The following BMAL1 variants were observed in gnomAD, a reference collection of about 807,000 sequenced individuals.
The protein encoded by BMAL1 is basic helix-loop-helix ARNT-like protein 1.
chr11:13,307,432 G>C, the BMAL1 span, among the ~76,000 whole-genome samples: 66,527 of 151,986 alleles, frequency 0.44, 14,715 homozygotes, highest in East Asian at 0.64. Flanking sequence ...CACTTCACCT[G>C]TAGCGACAGC....
At chr11:13,335,912 G>T in the BMAL1 span, among the ~76,000 whole-genome samples, 3 of 152,158 alleles carry the variant, frequency 2.0e-5, no homozygotes, top group Non-Finnish European at 4.4e-5. Context: ...TATAAGTGTT[G>T]TAAGGTTATA....
At chr11:13,281,068 T>A in the BMAL1 span, among the ~76,000 whole-genome samples, 5 of 152,182 alleles carry the variant, frequency 3.3e-5, no homozygotes, top group African/African-American at 1.2e-4. Context: ...TTAAGGGAGA[T>A]GGTGCATGTA....
At chr11:13,281,973 C>G in the BMAL1 span, among the ~76,000 whole-genome samples, 3 of 152,228 alleles carry the variant, frequency 2.0e-5, no homozygotes, top group Non-Finnish European at 4.4e-5. Context: ...GGTCCCCTCT[C>G]TAGCCCTGAC....
chr11:13,331,878 A>C, the BMAL1 span, among the ~76,000 whole-genome samples: 1 of 152,132 alleles, frequency 6.6e-6, no homozygotes, highest in Non-Finnish European at 1.5e-5. Flanking sequence ...AGGGAGGGCA[A>C]ACTGTGAAAG....
chr11:13,354,201 C>CCCCCCCCCCCCAAAA, the BMAL1 span: 1 of 616,120 alleles, frequency 1.6e-6, no homozygotes, highest in Non-Finnish European at 2.5e-6. Flanking sequence ...CCCCCCCCGG[C>CCCCCCCCCCCCAAAA]CCCCCACCAC....
chr11:13,300,125 G>A, the BMAL1 span, among the ~76,000 whole-genome samples: 6 of 152,124 alleles, frequency 3.9e-5, no homozygotes, highest in South Asian at 2.1e-4. Flanking sequence ...TTAACATTAC[G>A]CCCCAGCCCT....
the BMAL1 span, among the ~76,000 whole-genome samples, chr11:13,350,816 C>A: frequency 6.6e-6 from 1 of 152,136 alleles, no homozygotes; most frequent in Non-Finnish European, 1.5e-5. Flanking sequence ...TAAAACATGT[C>A]ACTTTTGGTC....
the BMAL1 span, among the ~76,000 whole-genome samples, chr11:13,328,637 G>A: frequency 6.6e-6 from 1 of 152,216 alleles, no homozygotes; most frequent in Admixed American, 6.5e-5. Flanking sequence ...AGTGTCCTCT[G>A]TAGATGGAAA....
the BMAL1 span, among the ~76,000 whole-genome samples, chr11:13,318,260 G>A: frequency 5.3e-5 from 8 of 152,154 alleles, no homozygotes; most frequent in Non-Finnish European, 1.2e-4. Context: ...TAGGTAGGAA[G>A]GATATTTTAC....
the BMAL1 span, chr11:13,386,610 A>C: frequency 6.2e-7 from 1 of 1,613,146 alleles, no homozygotes; most frequent in Non-Finnish European, 8.5e-7. Flanking sequence ...GAACCCCCAC[A>C]TAGGTATAGA....
At chr11:13,302,480 T>G in the BMAL1 span, among the ~76,000 whole-genome samples, 1 of 152,148 alleles carries the variant, frequency 6.6e-6, no homozygotes, top group Non-Finnish European at 1.5e-5. Flanking sequence ...GCCTAATGAT[T>G]TTTGAAAGCT....
the BMAL1 span, among the ~76,000 whole-genome samples, chr11:13,344,682 C>G: frequency 2.6e-5 from 4 of 152,172 alleles, no homozygotes; most frequent in African/African-American, 9.7e-5. Flanking sequence ...CACAGGCTGT[C>G]AGAGTAACCA....
At chr11:13,315,335 C>G in the BMAL1 span, among the ~76,000 whole-genome samples, 994 of 152,328 alleles carry the variant, frequency 6.5e-3, 13 homozygotes, top group African/African-American at 0.022. Context: ...CAGAAGCCTC[C>G]CCAACCTCCC....
chr11:13,330,590 C>T, the BMAL1 span, among the ~76,000 whole-genome samples: 1 of 152,342 alleles, frequency 6.6e-6, no homozygotes, highest in African/African-American at 2.4e-5. Flanking sequence ...TCCTGTTCTC[C>T]ATTTAGATGT....
the BMAL1 span, among the ~76,000 whole-genome samples, chr11:13,312,210 G>T: frequency 1.3e-5 from 2 of 152,184 alleles, no homozygotes; most frequent in Admixed American, 6.5e-5. Flanking sequence ...AATGACCTAT[G>T]TGGGGGGAAT....
the BMAL1 span, among the ~76,000 whole-genome samples, chr11:13,290,817 A>G: frequency 6.6e-6 from 1 of 152,142 alleles, no homozygotes; most frequent in South Asian, 2.1e-4. Flanking sequence ...GCCCAGCTGC[A>G]TAACTGCTAT....
the BMAL1 span, among the ~76,000 whole-genome samples, chr11:13,336,507 A>G: frequency 2.0e-5 from 3 of 152,118 alleles, no homozygotes; most frequent in East Asian, 1.9e-4. Flanking sequence ...TTGTAGGCCA[A>G]GTTGGGTGGG....
At chr11:13,284,285 G>T in the BMAL1 span, among the ~76,000 whole-genome samples, 1 of 129,192 alleles carries the variant, frequency 7.7e-6, no homozygotes, top group Non-Finnish European at 1.6e-5. Flanking sequence ...TTTAATGCCA[G>T]TTGTTCCCCA....
At chr11:13,315,396 G>A in the BMAL1 span, among the ~76,000 whole-genome samples, 5 of 152,306 alleles carry the variant, frequency 3.3e-5, no homozygotes, top group African/African-American at 1.2e-4. Flanking sequence ...AGCATCTAGC[G>A]CTTATGGACT....
Sources: allele counts gnomAD v4.1 joint callset (sites outside exome capture counted in the v4.1 genomes callset), GRCh38; gene constraint gnomAD v4.1.1; transcripts MANE v1.5; gene names NCBI Gene and HGNC (gene_info 2026-07-23, HGNC 2026-07-21).